Variants in NTM observed in about 807,000 individuals in gnomAD.
The protein encoded by NTM is neurotrimin, also known as IgLON family member 2.
A neutral mutation model predicts 42.1 loss-of-function variants in NTM; 13 were observed. The observed-to-expected ratio is 0.31, with a 90% CI of 0.20 to 0.49. The LOEUF is 0.49. NTM is among the 20% of genes least tolerant of loss of function. The pLI is 0.99. For synonymous variants in NTM, 187 were observed against 179.2 expected (o/e 1.04, Z -0.35); for missense variants, 373 against 452.8 (o/e 0.82, Z 1.60).
At chr11:131,385,238 A>G (rs749481838) in intron 1 of NTM, 1 of 152,218 alleles carries the variant, frequency 6.6e-6, no homozygotes, top group Non-Finnish European at 1.5e-5. Context: ...GGACATTAAG[A>G]AACTATTCGT....
intron 1 of NTM, among the ~76,000 whole-genome samples, chr11:131,372,400 G>A (rs189111303): frequency 4.7e-4 from 72 of 152,258 alleles, no homozygotes; most frequent in Middle Eastern, 3.4e-3. Flanking sequence ...TCAACTTGGA[G>A]GCATCCTCGA....
At chr11:131,975,531 G>A (rs1212159673) in intron 2 of NTM, among the ~76,000 whole-genome samples, 3 of 148,432 alleles carry the variant, frequency 2.0e-5, no homozygotes, top group African/African-American at 7.3e-5. Flanking sequence ...GCCTTAAAAT[G>A]TTAGGGGAGG....
chr11:131,453,095 G>A (rs1950604452), intron 1 of NTM, among the ~76,000 whole-genome samples: 1 of 152,210 alleles, frequency 6.6e-6, no homozygotes, highest in Admixed American at 6.5e-5. Flanking sequence ...GATGCTTTCT[G>A]AATCTCTAAG....
At chr11:131,743,174 G>A (rs911205350) in intron 1 of NTM, among the ~76,000 whole-genome samples, 6 of 150,896 alleles carry the variant, frequency 4.0e-5, no homozygotes, top group Non-Finnish European at 7.4e-5. Context: ...GACTTAACAA[G>A]TTGTTTCTTT....
At chr11:131,646,514 A>C (rs1022210623) in intron 1 of NTM, among the ~76,000 whole-genome samples, 1 of 152,210 alleles carries the variant, frequency 6.6e-6, no homozygotes, top group African/African-American at 2.4e-5. Flanking sequence ...TTTCTTTAGA[A>C]TATTCAGTGC....
At chr11:132,305,187 C>T (rs1328588706) in intron 4 of NTM, among the ~76,000 whole-genome samples, 1 of 152,194 alleles carries the variant, frequency 6.6e-6, no homozygotes, top group Non-Finnish European at 1.5e-5. Context: ...AAGTTGGCCC[C>T]TGCAAATCTC....
At chr11:131,730,414 A>G (rs1247615206) in intron 1 of NTM, among the ~76,000 whole-genome samples, 1 of 152,084 alleles carries the variant, frequency 6.6e-6, no homozygotes, top group Non-Finnish European at 1.5e-5. Flanking sequence ...AAGGGGAGAA[A>G]TGTCTAGTAG....
At chr11:131,867,133 T>C (rs2047300339) in intron 1 of NTM, among the ~76,000 whole-genome samples, 1 of 152,202 alleles carries the variant, frequency 6.6e-6, no homozygotes, top group Non-Finnish European at 1.5e-5. Context: ...TGTCCAACTG[T>C]GTGTCTTCTC....
At chr11:132,040,049 C>T (rs191904291) in intron 2 of NTM, among the ~76,000 whole-genome samples, 1 of 152,072 alleles carries the variant, frequency 6.6e-6, no homozygotes, top group East Asian at 1.9e-4. Flanking sequence ...CTCAGCCTCC[C>T]TCTGGAGTAG....
intron 2 of NTM, among the ~76,000 whole-genome samples, chr11:132,072,993 G>C (rs2136188004): frequency 6.6e-6 from 1 of 152,286 alleles, no homozygotes; most frequent in East Asian, 1.9e-4. Flanking sequence ...GGTGTCATTT[G>C]TGAAAAATGA....
Position 131,522,847 on chromosome 11 carries a change from TAGC to T in NTM, c.82+151963_82+151965del, listed in dbSNP as rs905131176. ...CCAGCTGCTGCACGTTAAAATCACT[TAGC>T]AGCCATTTAAAACATGCTAATGCCT... On this transcript the variant is annotated intron_variant, in intron 1 of 8. Coordinates refer to ENST00000683400, the MANE Select transcript of NTM (RefSeq NM_001352005.2). 5.3e-4 allele frequency among the ~76,000 whole-genome samples: 81 copies of T among 152,350 alleles called. 1 individual carries two copies. The highest frequency in any genetic ancestry group is 1.6e-3 in the African/African-American group (65 of 41,592).
Position 131,611,578 on chromosome 11 carries a change from A to G in NTM, c.82+240690A>G, listed in dbSNP as rs923606127. 2.0e-5 allele frequency among the ~76,000 whole-genome samples: 3 copies of G among 152,218 alleles called. No homozygotes were observed. The East Asian group carries it at 5.8e-4, about 29-fold the overall frequency. ...AGGAGGAAAAGCACAAGGAAGAAAG[A>G]CAAAAGATTTTTAATTCAAAAGGAG... On this transcript the variant is annotated intron_variant, in intron 1 of 8. Transcript: ENST00000683400.
rs189140246 is a variant in NTM at position 132,095,765 on chromosome 11, A to G, written c.168-50517A>G. On this transcript the variant is annotated intron_variant, in intron 2 of 8. Transcript: ENST00000683400. The stretch of plus-strand genomic sequence containing the variant: ...GTATCATCATGCAGCGTGATCCTAG[A>G]AGACACGTATTAGAAAGGGAGGAAA... Among the ~76,000 whole-genome samples, 184 of 152,308 alleles carry G rather than the reference A, an allele frequency of 1.2e-3. 2 individuals carry two copies. The highest frequency in any genetic ancestry group is 4.3e-3 in the African/African-American group (180 of 41,564).
intron 1 of NTM, among the ~76,000 whole-genome samples, chr11:131,410,157 A>G (rs369295430): frequency 2.6e-5 from 4 of 152,120 alleles, no homozygotes; most frequent in African/African-American, 9.7e-5. Flanking sequence ...ATGCAGATCT[A>G]TAAATGTGGC....
At chr11:132,057,428 T>C (rs1240598822) in intron 2 of NTM, among the ~76,000 whole-genome samples, 1 of 152,226 alleles carries the variant, frequency 6.6e-6, no homozygotes, top group East Asian at 1.9e-4. Context: ...TGTGTTTATA[T>C]TTTCAAGAAT....
At chr11:131,630,634 A>C (rs1420997259) in intron 1 of NTM, among the ~76,000 whole-genome samples, 1 of 152,156 alleles carries the variant, frequency 6.6e-6, no homozygotes, top group Non-Finnish European at 1.5e-5. Flanking sequence ...CAAAAGTTGA[A>C]GACTCTTTTA....
chr11:131,764,472 A>G (rs1445471056), intron 1 of NTM, among the ~76,000 whole-genome samples: 1 of 152,120 alleles, frequency 6.6e-6, no homozygotes, highest in Non-Finnish European at 1.5e-5. Context: ...CAGCTGTCGA[A>G]CTGTTGGATG....
At chr11:131,449,526 A>G (rs924863255) in intron 1 of NTM, among the ~76,000 whole-genome samples, 26 of 152,098 alleles carry the variant, frequency 1.7e-4, no homozygotes, top group African/African-American at 6.0e-4. Flanking sequence ...CTGCAGAGGG[A>G]TTATGCTGTA....
At chr11:131,372,428 A>G (rs1337034515) in intron 1 of NTM, among the ~76,000 whole-genome samples, 3 of 151,948 alleles carry the variant, frequency 2.0e-5, no homozygotes, top group Non-Finnish European at 4.4e-5. Context: ...CTCTTATATA[A>G]TATGAAGCAG....
Sources: allele counts gnomAD v4.1 joint callset (sites outside exome capture counted in the v4.1 genomes callset), GRCh38; gene constraint gnomAD v4.1.1; transcripts MANE v1.5; gene names NCBI Gene and HGNC (gene_info 2026-07-23, HGNC 2026-07-21).